DSCAM: variants seen among roughly 807,000 people sequenced by gnomAD.
DSCAM encodes the protein DS cell adhesion molecule.
Under a neutral mutation model 217.7 loss-of-function variants are expected in DSCAM, and 47 were observed. The ratio of observed to expected loss-of-function variants is 0.22; its 90% CI spans 0.17 to 0.28. The LOEUF is 0.28. Ranked by LOEUF, DSCAM falls within the 10% of genes least tolerant of loss-of-function variation. The probability of loss-of-function intolerance (pLI) is 1.00; values close to 1 mark genes in which losing one functional copy is unlikely to be tolerated. For synonymous variants in DSCAM, 1,056 were observed against 1,015.3 expected (o/e 1.04, Z -0.76); for missense variants, 2,080 against 2,618.3 (o/e 0.79, Z 4.49).
At chr21:40,168,741 C>T (rs556919464) in intron 15 of DSCAM, among the ~76,000 whole-genome samples, 1 of 152,238 alleles carries the variant, frequency 6.6e-6, no homozygotes, top group East Asian at 1.9e-4. Context: ...GGAAAGCTCC[C>T]TTCCTTTTTT....
Position 40,570,065 on chromosome 21 carries a change from T to C in DSCAM, c.508+122745A>G, listed in dbSNP as rs149802067. Among the ~76,000 whole-genome samples the C allele has an allele frequency of 8.1e-4, 123 of 152,156 alleles. No homozygotes were observed. The East Asian group carries it at 0.016, about 20-fold the overall frequency. On this transcript the variant is annotated intron_variant, in intron 3 of 32. Transcript: ENST00000400454. ...GCCTTCAAAGGCTGAGGGCAGTCCATTGATGCAAAAAGAGATCTCCCCAGG... is the reference window on the plus strand; with the variant it reads ...GCCTTCAAAGGCTGAGGGCAGTCCACTGATGCAAAAAGAGATCTCCCCAGG...
intron 3 of DSCAM, among the ~76,000 whole-genome samples, chr21:40,528,837 G>C (rs2076420215): frequency 6.6e-6 from 1 of 151,254 alleles, no homozygotes; most frequent in Non-Finnish European, 1.5e-5. Flanking sequence ...GCAGCAGTCA[G>C]AGCCTCCTCA....
chr21:40,582,033 C>A (rs535104579), intron 3 of DSCAM, among the ~76,000 whole-genome samples: 12 of 152,112 alleles, frequency 7.9e-5, no homozygotes, highest in Admixed American at 7.2e-4. Flanking sequence ...GGTTGAGTCA[C>A]AAGGTAATTA....
At chr21:40,198,470 G>A (rs893728992) in intron 11 of DSCAM, among the ~76,000 whole-genome samples, 3 of 152,152 alleles carry the variant, frequency 2.0e-5, no homozygotes, top group Non-Finnish European at 4.4e-5. Flanking sequence ...GGGTGGGGAC[G>A]TGTAGTCAGG....
chr21:40,766,323 G>GCA (rs1286627926), intron 1 of DSCAM, among the ~76,000 whole-genome samples: 64 of 151,074 alleles, frequency 4.2e-4, no homozygotes, highest in African/African-American at 1.3e-3. Flanking sequence ...TATGTATTTG[G>GCA]TATGTGTGTA....
At chr21:40,826,717 C>T (rs140649673) in intron 1 of DSCAM, among the ~76,000 whole-genome samples, 69 of 152,254 alleles carry the variant, frequency 4.5e-4, no homozygotes, top group Admixed American at 3.5e-3. Context: ...CAGTGAGGGA[C>T]GAGCGATGCT....
intron 11 of DSCAM, among the ~76,000 whole-genome samples, chr21:40,253,569 G>A (rs1012382443): frequency 6.6e-6 from 1 of 152,202 alleles, no homozygotes; most frequent in Non-Finnish European, 1.5e-5. Flanking sequence ...ATGAGAGGAG[G>A]GGGACATTCA....
At chr21:40,712,805 G>GACAC (rs1275520981) in intron 1 of DSCAM, among the ~76,000 whole-genome samples, 3 of 146,716 alleles carry the variant, frequency 2.0e-5, no homozygotes, top group East Asian at 4.1e-4. Flanking sequence ...TATAGAAGTT[G>GACAC]AGACAGAGAG....
intron 3 of DSCAM, among the ~76,000 whole-genome samples, chr21:40,619,120 T>TA (rs2089445745): frequency 1.3e-5 from 2 of 152,152 alleles, no homozygotes; most frequent in African/African-American, 4.8e-5. Flanking sequence ...CATACACATT[T>TA]AAAAAAAGTA....
At chr21:40,130,049 G>A (rs1347602711) in intron 19 of DSCAM, among the ~76,000 whole-genome samples, 3 of 152,142 alleles carry the variant, frequency 2.0e-5, no homozygotes, top group Non-Finnish European at 2.9e-5. Context: ...TCAGAGTTAG[G>A]TGCATTAGTG....
At chr21:40,597,964 C>T (rs1236808146) in intron 3 of DSCAM, among the ~76,000 whole-genome samples, 5 of 152,154 alleles carry the variant, frequency 3.3e-5, no homozygotes, top group South Asian at 2.1e-4. Context: ...CTAAAGGCCG[C>T]GATTTACATT....
At chr21:40,061,314 A>G (rs1329881540) in intron 28 of DSCAM, among the ~76,000 whole-genome samples, 1 of 152,172 alleles carries the variant, frequency 6.6e-6, no homozygotes, top group African/African-American at 2.4e-5. Flanking sequence ...CATGCCTGTA[A>G]TCCCAGCATT....
intron 3 of DSCAM, among the ~76,000 whole-genome samples, chr21:40,561,104 T>C (rs1266843446): frequency 6.6e-6 from 1 of 152,220 alleles, no homozygotes; most frequent in Non-Finnish European, 1.5e-5. Context: ...TTCACTAATA[T>C]TACCAATATT....
intron 20 of DSCAM, among the ~76,000 whole-genome samples, chr21:40,114,000 T>C (rs376897987): frequency 3.3e-5 from 5 of 152,004 alleles, no homozygotes; most frequent in East Asian, 1.9e-4. Flanking sequence ...AGGTAATTTA[T>C]AGATTCAATG....
intron 20 of DSCAM, among the ~76,000 whole-genome samples, chr21:40,122,811 A>ACTTCATGGG (rs1420739158): frequency 6.6e-6 from 1 of 152,166 alleles, no homozygotes; most frequent in Non-Finnish European, 1.5e-5. Context: ...AACAGACGGA[A>ACTTCATGGG]CTTCATGGGC....
chr21:40,204,830 C>T (rs2178851), intron 11 of DSCAM, among the ~76,000 whole-genome samples: 78,756 of 152,124 alleles, frequency 0.52, 20,989 homozygotes, highest in African/African-American at 0.65. Context: ...TGCACATGCA[C>T]ACACACAGTC....
At chr21:40,114,338 G>A (rs1413732192) in intron 20 of DSCAM, among the ~76,000 whole-genome samples, 1 of 151,184 alleles carries the variant, frequency 6.6e-6, no homozygotes, top group African/African-American at 2.4e-5. Context: ...AATATATGGT[G>A]CTGGGAAAAC....
chr21:40,286,975 G>T (rs1452805600), intron 10 of DSCAM, among the ~76,000 whole-genome samples: 1 of 131,336 alleles, frequency 7.6e-6, no homozygotes, highest in Non-Finnish European at 1.6e-5. Flanking sequence ...CAGTGTGATT[G>T]CAGTGTGATC....
chr21:40,111,902 T>G (rs1469439167), intron 20 of DSCAM, among the ~76,000 whole-genome samples: 1 of 151,950 alleles, frequency 6.6e-6, no homozygotes, highest in South Asian at 2.1e-4. Flanking sequence ...ACAGGAGCAC[T>G]CAGATTCATA....
Sources: gnomAD v4.1 joint callset for allele counts (sites outside exome capture counted in the v4.1 genomes callset) on GRCh38, gnomAD v4.1.1 for gene constraint, MANE v1.5 for transcripts, NCBI Gene and HGNC (gene_info 2026-07-23, HGNC 2026-07-21) for gene names.